TP63: variants seen among roughly 807,000 people sequenced by gnomAD.
TP63 encodes tumor protein p63.
Under a neutral mutation model 82.8 loss-of-function variants are expected in TP63, and 17 were observed. The observed-to-expected ratio is 0.21, with a 90% CI of 0.14 to 0.31. The LOEUF (loss-of-function observed/expected upper bound fraction) is 0.31. TP63 is among the 10% of genes least tolerant of loss of function. TP63 has a pLI of 1.00. For missense variants in TP63, 648 were observed against 895.3 expected (o/e 0.72, Z 3.52); for synonymous variants, 330 against 321.7 (o/e 1.03, Z -0.28).
chr3:189,889,697 G>A (rs1246606517), intron 12 of TP63, among the ~76,000 whole-genome samples: 1 of 152,234 alleles, frequency 6.6e-6, no homozygotes, highest in African/African-American at 2.4e-5. Flanking sequence ...GAAAGTGTCT[G>A]TTGATAGGCA....
chr3:189,728,778 C>G (rs1719949828), intron 1 of TP63, among the ~76,000 whole-genome samples: 1 of 152,164 alleles, frequency 6.6e-6, no homozygotes, highest in Non-Finnish European at 1.5e-5. Flanking sequence ...ATAAAACCAT[C>G]AGATCTCATG....
rs551281528 is a variant in TP63 at position 189,679,777 on chromosome 3, G to A, written c.62+48200G>A. Among the ~76,000 whole-genome samples the A allele has an allele frequency of 3.9e-5, 6 of 152,206 alleles. No homozygotes were observed. In the South Asian group the frequency reaches 6.2e-4, roughly 16 times the overall value. ...TCTACAGCTCCAGGTTTTATGTAAA[G>A]TATTCAATTGGTATTTATATTTGGC... On this transcript the variant is annotated intron_variant, in intron 1 of 13. Coordinates refer to ENST00000264731, the MANE Select transcript of TP63 (RefSeq NM_003722.5).
chr3:189,707,978 C>T (rs1357076374), intron 1 of TP63, among the ~76,000 whole-genome samples: 3 of 152,130 alleles, frequency 2.0e-5, no homozygotes, highest in African/African-American at 7.2e-5. Context: ...TAAAACAATA[C>T]TTGTTCATAT....
intron 10 of TP63, among the ~76,000 whole-genome samples, chr3:189,884,303 TTGGTAGTAGC>T (rs1364268781): frequency 6.6e-6 from 1 of 152,208 alleles, no homozygotes; most frequent in African/African-American, 2.4e-5. Context: ...TCAGAAGTGC[TTGGTAGTAGC>T]TGGAGTTACC....
At chr3:189,637,250 A>G (rs1729840848) in intron 1 of TP63, among the ~76,000 whole-genome samples, 1 of 150,722 alleles carries the variant, frequency 6.6e-6, no homozygotes, top group South Asian at 2.1e-4. Flanking sequence ...CTGGGAACTG[A>G]ATTTTTTTTT....
intron 1 of TP63, among the ~76,000 whole-genome samples, chr3:189,717,251 G>A (rs1171972744): frequency 6.6e-6 from 1 of 152,128 alleles, no homozygotes; most frequent in East Asian, 1.9e-4. Context: ...TGAAATTAAA[G>A]AGTTATTATC....
intron 4 of TP63, among the ~76,000 whole-genome samples, chr3:189,826,065 G>C (rs530824981): frequency 6.6e-6 from 1 of 152,156 alleles, no homozygotes; most frequent in Admixed American, 6.5e-5. Context: ...AAATATTAAG[G>C]ACATTTAAAA....
intron 12 of TP63, among the ~76,000 whole-genome samples, chr3:189,889,707 A>G (rs1467645582): frequency 6.6e-6 from 1 of 152,208 alleles, no homozygotes; most frequent in African/African-American, 2.4e-5. Context: ...GTTGATAGGC[A>G]TATTGTTTTC....
intron 4 of TP63, among the ~76,000 whole-genome samples, chr3:189,836,052 C>T (rs1713110104): frequency 6.6e-6 from 1 of 152,004 alleles, no homozygotes; most frequent in Admixed American, 6.6e-5. Context: ...CTCAGAGTGT[C>T]TATTCCTTTG....
Position 189,665,111 on chromosome 3 carries a change from C to T in TP63, c.62+33534C>T, listed in dbSNP as rs115811359. ...TATTACCTGTGTTCTCATTATTTTA[C>T]ACTTACTGCCTTTGCATGGTAAAAC... is the stretch of plus-strand genomic sequence containing the variant. On this transcript the variant is annotated intron_variant, in intron 1 of 13. Coordinates refer to ENST00000264731, the MANE Select transcript of TP63 (RefSeq NM_003722.5). Among the ~76,000 whole-genome samples the T allele has an allele frequency of 9.8e-3, 1,490 of 152,246 alleles. 32 individuals are homozygous for T. Among genetic ancestry groups the T allele is most frequent in the African/African-American group, 0.035 (1,438 of 41,564 alleles).
chr3:189,697,232 A>AATTTTTTTTT (rs146092678), intron 1 of TP63, among the ~76,000 whole-genome samples: 2 of 22,406 alleles, frequency 8.9e-5, no homozygotes, highest in Non-Finnish European at 1.4e-4. Flanking sequence ...GTCTAGGTTC[A>AATTTTTTTTT]GTTTTTTTTT....
intron 1 of TP63, among the ~76,000 whole-genome samples, chr3:189,680,535 C>T (rs1172233692): frequency 1.3e-5 from 2 of 152,154 alleles, no homozygotes; most frequent in East Asian, 3.9e-4. Flanking sequence ...AAATTCTCAA[C>T]AAAATACAAG....
At chr3:189,642,166 T>A (rs751542278) in intron 1 of TP63, among the ~76,000 whole-genome samples, 12 of 152,208 alleles carry the variant, frequency 7.9e-5, no homozygotes, top group Non-Finnish European at 2.9e-5. Context: ...TAAATTTCAT[T>A]AAGTTAATAG....
chr3:189,620,037 A>G, the TP63 span, among the ~76,000 whole-genome samples: 2 of 152,186 alleles, frequency 1.3e-5, no homozygotes, highest in Admixed American at 1.3e-4. Context: ...TGTGGAGGAT[A>G]ATGAAAAAAA....
chr3:189,676,805 G>A (rs1039860200), intron 1 of TP63, among the ~76,000 whole-genome samples: 13 of 151,964 alleles, frequency 8.6e-5, no homozygotes, highest in African/African-American at 2.9e-4. Flanking sequence ...CTTTTCATGA[G>A]AATCTAACTA....
chr3:189,879,992 C>G, intron 10 of TP63: 1 of 1,569,018 alleles, frequency 6.4e-7, no homozygotes, highest in Non-Finnish European at 8.6e-7. Flanking sequence ...GAGTGTGTTT[C>G]TGAATTCAAT....
chr3:189,660,014 C>T (rs988384535), intron 1 of TP63, among the ~76,000 whole-genome samples: 2 of 151,938 alleles, frequency 1.3e-5, no homozygotes, highest in Admixed American at 6.6e-5. Context: ...TCTGATTACT[C>T]TGTTGATAAT....
chr3:189,728,810 A>G (rs1196368583), intron 1 of TP63, among the ~76,000 whole-genome samples: 1 of 152,114 alleles, frequency 6.6e-6, no homozygotes, highest in African/African-American at 2.4e-5. Flanking sequence ...TTTTCAGGAG[A>G]ACAGCACAGG....
In TP63 at chr3:189,642,193, G is replaced by A. The variant is rs186964393; in HGVS notation, c.62+10616G>A. On this transcript the variant is annotated intron_variant, in intron 1 of 13. Coordinates refer to ENST00000264731, the MANE Select transcript of TP63 (RefSeq NM_003722.5). ...AGTTAATAGATGTAAGATGATATGT[G>A]GTTTTGATTAGCACTTTTTATTAAC... 9.8e-4 allele frequency among the ~76,000 whole-genome samples: 149 copies of A among 152,198 alleles called. 3 individuals carry two copies. Among genetic ancestry groups the A allele is most frequent in the Admixed American group, 9.6e-3 (147 of 15,280 alleles).
Sources: gnomAD v4.1 joint callset for allele counts (sites outside exome capture counted in the v4.1 genomes callset) on GRCh38, gnomAD v4.1.1 for gene constraint, MANE v1.5 for transcripts, NCBI Gene and HGNC (gene_info 2026-07-23, HGNC 2026-07-21) for gene names.